Variants in CREB3L1 observed in about 807,000 individuals in gnomAD.
CREB3L1 encodes the protein cAMP responsive element binding protein 3 like 1, also known as cyclic AMP-responsive element-binding protein 3-like protein 1.
A neutral mutation model predicts 54.5 loss-of-function variants in CREB3L1; 33 were observed. The observed-to-expected ratio is 0.61, with a 90% confidence interval of 0.46 to 0.81. CREB3L1 has a LOEUF of 0.81. Ranked by LOEUF, CREB3L1 falls within the 30% of genes least tolerant of loss-of-function variation. CREB3L1 has a pLI of 0.00. For missense variants in CREB3L1, 656 were observed against 673.3 expected (o/e 0.97, Z 0.29); for synonymous variants, 284 against 286.4 (o/e 0.99, Z 0.08).
intron 8 of CREB3L1, chr11:46,315,170 G>C: frequency 3.1e-6 from 1 of 320,806 alleles, no homozygotes. Context: ...TTCTCCCCCA[G>C]CTTCTCCAGC....
chr11:46,309,282 C>T (rs766796927), intron 3 of CREB3L1, among the ~76,000 whole-genome samples: 4 of 152,198 alleles, frequency 2.6e-5, no homozygotes, highest in Non-Finnish European at 5.9e-5. Context: ...GGCTGCAGCC[C>T]AGGGCCTGCA....
chr11:46,312,756 G>A, intron 7 of CREB3L1, 86 bp downstream of exon 7: 1 of 1,551,346 alleles, frequency 6.4e-7, no homozygotes, highest in Non-Finnish European at 8.7e-7. Context: ...AGCAGAGGCA[G>A]GGGGCACAGG....
intron 1 of CREB3L1, among the ~76,000 whole-genome samples, chr11:46,280,171 G>GTT (rs71451645): frequency 3.5e-5 from 5 of 144,048 alleles, no homozygotes; most frequent in East Asian, 2.0e-4. Flanking sequence ...TTCTTTTCTT[G>GTT]TTTTTTTTTT....
chr11:46,300,575 T>C (rs1456920913), intron 2 of CREB3L1, among the ~76,000 whole-genome samples: 1 of 152,144 alleles, frequency 6.6e-6, no homozygotes, highest in African/African-American at 2.4e-5. Context: ...GGTAATTCAA[T>C]AATAACTGTG....
intron 1 of CREB3L1, among the ~76,000 whole-genome samples, chr11:46,293,787 ATG>A (rs1939164532): frequency 1.3e-5 from 2 of 152,170 alleles, no homozygotes; most frequent in Admixed American, 1.3e-4. Context: ...TTCTGTGGTT[ATG>A]TGAGATGGTG....
chr11:46,320,318 G>T lies in CREB3L1; in HGVS notation c.1313G>T (p.Gly438Val). The change falls in exon 11 of 12, where the codon GGC (glycine) becomes GTC (valine). Residue 438 changes from glycine to valine, a missense_variant. Coordinates refer to ENST00000621158, the MANE Select transcript of CREB3L1 (RefSeq NM_052854.4). ...YDDGAGLWED[G>V]RSTLLPMEPP... ...GACGGGGCAGGCTTATGGGAAGATG[G>T]CCGCAGCACCCTGCTGCCCATGGAG... 1 of 1,612,866 alleles carries T rather than the reference G, an allele frequency of 6.2e-7. No individual in the cohort carries two copies. Among genetic ancestry groups the T allele is most frequent in the South Asian group, 1.1e-5 (1 of 90,826 alleles).
chr11:46,284,116 A>G (rs1189097042), intron 1 of CREB3L1, among the ~76,000 whole-genome samples: 1 of 152,200 alleles, frequency 6.6e-6, no homozygotes, highest in Non-Finnish European at 1.5e-5. Context: ...CTGAAGGAAC[A>G]TCTATGCTGG....
chr11:46,313,352 A>G (rs978182442), intron 8 of CREB3L1, among the ~76,000 whole-genome samples: 2 of 152,188 alleles, frequency 1.3e-5, no homozygotes, highest in African/African-American at 4.8e-5. Context: ...ACTCAAAGCC[A>G]GCTGACCCAG....
chr11:46,307,724 C>G (rs1276400816), intron 2 of CREB3L1, 92 bp from the exon 3 acceptor site: 6 of 1,114,460 alleles, frequency 5.4e-6, no homozygotes, highest in Non-Finnish European at 7.4e-6. Flanking sequence ...CCTAACAGCT[C>G]TCTTCAGTTC....
chr11:46,315,177 CAG>C, intron 8 of CREB3L1: 1 of 331,580 alleles, frequency 3.0e-6, no homozygotes, highest in Non-Finnish European at 6.1e-6. Flanking sequence ...CCAGCTTCTC[CAG>C]CGGGATCCAG....
intron 2 of CREB3L1, among the ~76,000 whole-genome samples, chr11:46,303,120 T>G (rs1939328115): frequency 6.6e-6 from 1 of 152,168 alleles, no homozygotes; most frequent in Non-Finnish European, 1.5e-5. Flanking sequence ...CATTTGCCAG[T>G]CAAGAAGGGC....
rs757434346 is a variant in CREB3L1 at position 46,320,995 on chromosome 11, C to T, written c.*249C>T. On this transcript the variant is annotated 3_prime_UTR_variant, in exon 12 of 12. Coordinates refer to ENST00000621158, the MANE Select transcript of CREB3L1 (RefSeq NM_052854.4). ...CAGACAAACCACTCACTGGGTACCC[C>T]ACCTCCTCTCTCATATGCCCAACAC... 3.9e-5 allele frequency: 25 copies of T among 644,078 alleles called. No homozygotes were observed. Among genetic ancestry groups the T allele is most frequent in the Admixed American group, 3.0e-4 (14 of 46,874 alleles). 39.9% of individuals were successfully genotyped at this position (644,078 alleles called of 1,614,324 possible). A position where few individuals can be genotyped will look rare whatever the true frequency, so the allele number is the denominator to read the frequency against.
intron 1 of CREB3L1, among the ~76,000 whole-genome samples, chr11:46,285,280 T>C (rs1466793978): frequency 1.3e-5 from 2 of 152,192 alleles, no homozygotes; most frequent in African/African-American, 4.8e-5. Flanking sequence ...GAGAACAGGC[T>C]GTTTCTCTGG....
intron 5 of CREB3L1, 141 bp downstream of exon 5, chr11:46,311,330 A>T (rs1590350032): frequency 8.6e-7 from 1 of 1,169,468 alleles, no homozygotes; most frequent in East Asian, 3.1e-5. Context: ...CTTACCTGGC[A>T]GATGGGAGTT....
At chr11:46,280,486 G>A (rs993947170) in intron 1 of CREB3L1, among the ~76,000 whole-genome samples, 21 of 152,052 alleles carry the variant, frequency 1.4e-4, no homozygotes, top group Admixed American at 3.9e-4. Flanking sequence ...CACTGCGCCC[G>A]GCCAAAAGTG....
At chr11:46,305,277 C>G (rs575166017) in intron 2 of CREB3L1, among the ~76,000 whole-genome samples, 1 of 152,130 alleles carries the variant, frequency 6.6e-6, no homozygotes, top group African/African-American at 2.4e-5. Flanking sequence ...AACCAGGAGG[C>G]CCACTAGGTG....
intron 8 of CREB3L1, 117 bp downstream of exon 8, chr11:46,313,036 G>C: frequency 1.3e-6 from 1 of 760,698 alleles, no homozygotes; most frequent in Non-Finnish European, 2.1e-6. Flanking sequence ...GGATGACAGG[G>C]ACCCCAGAAA....
chr11:46,292,637 G>A (rs568775902), intron 1 of CREB3L1, among the ~76,000 whole-genome samples: 9 of 152,206 alleles, frequency 5.9e-5, no homozygotes, highest in South Asian at 4.1e-4. Flanking sequence ...AGAAGATCCC[G>A]TTTTTTAGAG....
At chr11:46,300,253 C>G (rs1939276254) in intron 2 of CREB3L1, 90 bp downstream of exon 2, 1 of 1,003,914 alleles carries the variant, frequency 1.0e-6, no homozygotes, top group African/African-American at 1.6e-5. Context: ...TGCCTGCAGC[C>G]TGAGACTCCC....
Sources: gnomAD v4.1 joint callset for allele counts (sites outside exome capture counted in the v4.1 genomes callset) on GRCh38, gnomAD v4.1.1 for gene constraint, MANE v1.5 for transcripts, NCBI Gene and HGNC (gene_info 2026-07-23, HGNC 2026-07-21) for gene names.